The following SLC25A20 variants were observed in gnomAD, a reference collection of about 807,000 sequenced individuals.
SLC25A20 encodes mitochondrial carnitine/acylcarnitine carrier protein.
Under a neutral mutation model 39.7 loss-of-function variants are expected in SLC25A20, and 29 were observed. The ratio of observed to expected loss-of-function variants is 0.73; its 90% CI spans 0.54 to 1.00. The LOEUF (loss-of-function observed/expected upper bound fraction) is 1.00, where lower values mean the gene tolerates loss of function less well. Among genes scored for constraint, SLC25A20 ranks in the 50% least tolerant of loss-of-function variants. The pLI is 0.00. For missense variants in SLC25A20, 333 were observed against 379.9 expected, an observed-to-expected ratio of 0.88 and a Z score of 1.03; for synonymous variants, 103 against 142.2, an observed-to-expected ratio of 0.72 and a Z score of 1.96.
chr3:48,894,841 CAG>C (rs1319834509), intron 1 of SLC25A20, among the ~76,000 whole-genome samples: 2 of 152,124 alleles, frequency 1.3e-5, no homozygotes, highest in African/African-American at 4.8e-5. Context: ...TGTTTTGAGA[CAG>C]AGTTTCACTC....
intron 2 of SLC25A20, among the ~76,000 whole-genome samples, chr3:48,885,814 T>A (rs113711663): frequency 4.4e-4 from 67 of 151,664 alleles, no homozygotes; most frequent in Middle Eastern, 6.8e-3. Context: ...AAAACAAAAC[T>A]AAACTAAAAC....
At chr3:48,883,168 C>A (rs1439177562) in intron 3 of SLC25A20, among the ~76,000 whole-genome samples, 1 of 151,954 alleles carries the variant, frequency 6.6e-6, no homozygotes, top group Non-Finnish European at 1.5e-5. Flanking sequence ...GCACTCCAGC[C>A]TGGGCGACAG....
chr3:48,873,500 C>G (rs1248463784), intron 4 of SLC25A20, among the ~76,000 whole-genome samples: 1 of 150,518 alleles, frequency 6.6e-6, no homozygotes, highest in East Asian at 2.0e-4. Context: ...TCCCAGCTAC[C>G]TGGGTGGCTG....
intron 2 of SLC25A20, among the ~76,000 whole-genome samples, 191 bp from the exon 3 acceptor site, chr3:48,884,315 G>A (rs571391838): frequency 1.3e-5 from 2 of 152,236 alleles, no homozygotes; most frequent in African/African-American, 4.8e-5. Flanking sequence ...AGAAACTGAA[G>A]GCAGTTTCCA....
chr3:48,880,574 C>CTTT (rs35306259), intron 3 of SLC25A20, among the ~76,000 whole-genome samples: 14 of 73,088 alleles, frequency 1.9e-4, no homozygotes, highest in Admixed American at 6.1e-4. Flanking sequence ...CTGTGCCCGG[C>CTTT]TTTTTTTTTT....
At chr3:48,873,802 C>T (rs1461321056) in intron 4 of SLC25A20, among the ~76,000 whole-genome samples, 1 of 149,566 alleles carries the variant, frequency 6.7e-6, no homozygotes, top group African/African-American at 2.5e-5. Flanking sequence ...CCCGTCTCTA[C>T]TAAAAAAATA....
At chr3:48,893,572 C>T (rs576213251) in intron 1 of SLC25A20, among the ~76,000 whole-genome samples, 2 of 152,008 alleles carry the variant, frequency 1.3e-5, no homozygotes, top group Admixed American at 6.6e-5. Context: ...CTCACTGTCT[C>T]GCCCATGCTG....
chr3:48,883,978 C>T lies in SLC25A20; in HGVS notation c.326+19G>A, dbSNP rs2083812723. The stretch of plus-strand genomic sequence containing the variant: ...CTACCAGGCAGAACAGCAAGTGCTC[C>T]TGACCTGTAAGTACTCACCTGAGCA... On this transcript the variant is annotated intron_variant, in intron 3 of 8. Transcript: ENST00000319017. 1 of 1,612,336 alleles carries T rather than the reference C, an allele frequency of 6.2e-7. No individual in the cohort carries two copies. The highest frequency in any genetic ancestry group is 1.3e-5 in the African/African-American group (1 of 74,856).
chr3:48,857,774 TAAG>T lies in SLC25A20; in HGVS notation c.844-5_844-3del. Reference sequence around the variant, plus strand: ...AACTTCAAAGCCAAGGAAACAGGCCTAAGAAGGGATTGGGAGGAAGAAAAAAGC... The same window carrying T: ...AACTTCAAAGCCAAGGAAACAGGCCTAAGGGATTGGGAGGAAGAAAAAAGC... On this transcript the variant is annotated splice_polypyrimidine_tract_variant and splice_region_variant and intron_variant, in intron 8 of 8. Transcript: ENST00000319017. 6.2e-7 allele frequency: 1 copy of T among 1,613,476 alleles called. No homozygotes were observed. The highest frequency in any genetic ancestry group is 8.5e-7 in the Non-Finnish European group (1 of 1,179,812).
chr3:48,888,168 C>G (rs547821971), intron 2 of SLC25A20, among the ~76,000 whole-genome samples: 14 of 137,602 alleles, frequency 1.0e-4, no homozygotes, highest in Admixed American at 3.0e-4. Context: ...GATCGGACCA[C>G]TGCACTCCAG....
At chr3:48,876,469 A>T (rs1259295114) in intron 4 of SLC25A20, among the ~76,000 whole-genome samples, 4 of 150,292 alleles carry the variant, frequency 2.7e-5, no homozygotes, top group African/African-American at 9.8e-5. Context: ...CTTGTTGCTC[A>T]GGCTGGAGTG....
intron 4 of SLC25A20, among the ~76,000 whole-genome samples, chr3:48,872,258 G>A (rs573248999): frequency 1.3e-5 from 2 of 151,736 alleles, no homozygotes; most frequent in South Asian, 4.2e-4. Context: ...AACCTCCCGA[G>A]TAACTGGGAT....
At chr3:48,858,694 G>A (rs2083599551) in intron 7 of SLC25A20, 63 bp from the exon 8 acceptor site, 2 of 1,607,518 alleles carry the variant, frequency 1.2e-6, no homozygotes, top group African/African-American at 1.3e-5. Flanking sequence ...AAGTCTTCCT[G>A]AAGGGTCAGG....
intron 4 of SLC25A20, among the ~76,000 whole-genome samples, chr3:48,872,359 A>T (rs2083723009): frequency 6.6e-6 from 1 of 151,222 alleles, no homozygotes; most frequent in African/African-American, 2.4e-5. Flanking sequence ...CAAATTCCTG[A>T]CCTCAAGTGA....
chr3:48,860,051 C>T (rs1048166931), intron 5 of SLC25A20, among the ~76,000 whole-genome samples: 1 of 152,280 alleles, frequency 6.6e-6, no homozygotes, highest in African/African-American at 2.4e-5. Flanking sequence ...GCCTTTAATC[C>T]CAGCACTTCG....
intron 4 of SLC25A20, among the ~76,000 whole-genome samples, chr3:48,872,281 C>T (rs2083722456): frequency 6.6e-6 from 1 of 151,824 alleles, no homozygotes; most frequent in East Asian, 1.9e-4. Flanking sequence ...CAGGTGCACG[C>T]CACCATGCCT....
chr3:48,895,797 T>G (rs761901045), intron 1 of SLC25A20: 1 of 456,426 alleles, frequency 2.2e-6, no homozygotes, highest in Admixed American at 2.4e-5. Flanking sequence ...AGATCTCCCA[T>G]AGTCAGGCAT....
At chr3:48,879,043 G>C (rs2083781493) in intron 4 of SLC25A20, among the ~76,000 whole-genome samples, 1 of 151,868 alleles carries the variant, frequency 6.6e-6, no homozygotes. Context: ...GCTAATTTTT[G>C]TATTTTTAGT....
intron 7 of SLC25A20, 29 bp downstream of exon 7, chr3:48,859,063 C>T (rs374211034): frequency 1.9e-6 from 3 of 1,582,364 alleles, no homozygotes; most frequent in East Asian, 4.5e-5. Context: ...CCCACTCTCC[C>T]CCTGTCCACC....
Sources: gnomAD v4.1 joint callset for allele counts (sites outside exome capture counted in the v4.1 genomes callset) on GRCh38, gnomAD v4.1.1 for gene constraint, MANE v1.5 for transcripts, NCBI Gene and HGNC (gene_info 2026-07-23, HGNC 2026-07-21) for gene names.